The following RETREG1 variants were observed in gnomAD, a reference collection of about 807,000 sequenced individuals.
The protein encoded by RETREG1 is reticulophagy regulator 1, also known as family with sequence similarity 134 member B.
RETREG1 carries 44 observed loss-of-function variants against 54.8 expected under a neutral mutation model. The observed-to-expected ratio is 0.80, with a 90% CI of 0.63 to 1.03. The LOEUF is 1.03. RETREG1 is among the 50% of genes least tolerant of loss of function. The pLI, the probability that RETREG1 is intolerant of heterozygous loss-of-function variation, is 0.00. For missense variants in RETREG1, 554 were observed against 605.1 expected (o/e 0.92, Z 0.89); for synonymous variants, 217 against 238.5 (o/e 0.91, Z 0.83).
At chr5:16,599,028 G>A (rs542453595) in intron 1 of RETREG1, among the ~76,000 whole-genome samples, 5 of 152,212 alleles carry the variant, frequency 3.3e-5, no homozygotes, top group African/African-American at 1.2e-4. Flanking sequence ...ACCCCAGAGT[G>A]CGTCCCCATC....
chr5:16,534,905 T>C lies in RETREG1; in HGVS notation c.458+30858A>G, dbSNP rs949690872. ...TCATTCATTCATCGGGCATTTTTACTGAGCATTTATTAAGTGCCAGGCACA... is the reference window on the plus strand; with the variant it reads ...TCATTCATTCATCGGGCATTTTTACCGAGCATTTATTAAGTGCCAGGCACA... On this transcript the variant is annotated intron_variant, in intron 3 of 8. Coordinates refer to ENST00000306320, the MANE Select transcript of RETREG1 (RefSeq NM_001034850.3). 3.3e-5 allele frequency among the ~76,000 whole-genome samples: 5 copies of C among 152,236 alleles called. No homozygotes were observed. The East Asian group carries it at 7.7e-4, about 23-fold the overall frequency.
At chr5:16,590,604 A>G (rs1033852595) in intron 1 of RETREG1, among the ~76,000 whole-genome samples, 2 of 152,200 alleles carry the variant, frequency 1.3e-5, no homozygotes, top group Admixed American at 1.3e-4. Context: ...CAGAATCCAC[A>G]TGGGCCACGG....
At chr5:16,493,228 G>A (rs1024730108) in intron 3 of RETREG1, among the ~76,000 whole-genome samples, 6 of 152,132 alleles carry the variant, frequency 3.9e-5, no homozygotes, top group African/African-American at 1.4e-4. Flanking sequence ...TAGATCATTT[G>A]GGAGGCTGAC....
At chr5:16,484,798 T>C (rs1738954404) in intron 3 of RETREG1, among the ~76,000 whole-genome samples, 1 of 152,170 alleles carries the variant, frequency 6.6e-6, no homozygotes, top group Non-Finnish European at 1.5e-5. Flanking sequence ...CCTCAACTAA[T>C]GCTCTGGAGA....
At chr5:16,485,326 AG>A (rs1195677078) in intron 3 of RETREG1, among the ~76,000 whole-genome samples, 1 of 152,140 alleles carries the variant, frequency 6.6e-6, no homozygotes, top group Non-Finnish European at 1.5e-5. Context: ...ATCAATGAAA[AG>A]CTATAATGGA....
At chr5:16,578,880 G>A (rs148793417) in intron 1 of RETREG1, among the ~76,000 whole-genome samples, 98 of 152,312 alleles carry the variant, frequency 6.4e-4, no homozygotes, top group African/African-American at 2.3e-3. Context: ...TTTAACCAAA[G>A]TGCTATTCAG....
Position 16,535,075 on chromosome 5 carries a change from A to C in RETREG1, c.458+30688T>G, listed in dbSNP as rs1008833075. The stretch of plus-strand genomic sequence containing the variant: ...GACACATTTTGCTAAGAGCAATGAG[A>C]AGCTGCTATGAGAAGCTGGAATTCT... On this transcript the variant is annotated intron_variant, in intron 3 of 8. Transcript: ENST00000306320. Among the ~76,000 whole-genome samples, 8 of 152,344 alleles carry C rather than the reference A, an allele frequency of 5.3e-5. No homozygotes were observed. The South Asian group carries it at 1.2e-3, about 24-fold the overall frequency.
chr5:16,515,953 T>C (rs1740339792), intron 3 of RETREG1, among the ~76,000 whole-genome samples: 1 of 151,784 alleles, frequency 6.6e-6, no homozygotes, highest in Non-Finnish European at 1.5e-5. Context: ...ATGAAAAACA[T>C]ATATGATGAC....
intron 3 of RETREG1, among the ~76,000 whole-genome samples, chr5:16,540,208 C>A (rs1741200474): frequency 6.6e-6 from 1 of 152,170 alleles, no homozygotes; most frequent in African/African-American, 2.4e-5. Context: ...ATAAAACAGG[C>A]TTTTATACAG....
intron 3 of RETREG1, among the ~76,000 whole-genome samples, chr5:16,528,643 A>C (rs578250568): frequency 6.6e-6 from 1 of 152,368 alleles, no homozygotes; most frequent in East Asian, 1.9e-4. Context: ...GGATATGTGC[A>C]AGAAGGGACA....
Position 16,597,568 on chromosome 5 carries a change from G to A in RETREG1, c.320+19084C>T, listed in dbSNP as rs1042026314. The stretch of plus-strand genomic sequence containing the variant: ...AGGCCCCACACTCAGCCTGAAGTCA[G>A]CCACACCTCCAGAACCCTCCCAGGG... On this transcript the variant is annotated intron_variant, in intron 1 of 8. Coordinates refer to ENST00000306320, the MANE Select transcript of RETREG1 (RefSeq NM_001034850.3). This position sits in a 1 kb window ranked among gnomAD's most constrained non-coding sequence, Gnocchi z 4.3. Among the ~76,000 whole-genome samples, 1 of 152,138 alleles carries A rather than the reference G, an allele frequency of 6.6e-6. No homozygotes were observed. Among genetic ancestry groups the A allele is most frequent in the Non-Finnish European group, 1.5e-5 (1 of 68,028 alleles).
chr5:16,532,970 C>T (rs1740956290), intron 3 of RETREG1, among the ~76,000 whole-genome samples: 1 of 152,186 alleles, frequency 6.6e-6, no homozygotes. Context: ...TAGGTAAATG[C>T]TCTACTTGGG....
chr5:16,558,034 T>C (rs941648517), intron 3 of RETREG1, among the ~76,000 whole-genome samples: 5 of 147,472 alleles, frequency 3.4e-5, no homozygotes, highest in Admixed American at 6.7e-5. Flanking sequence ...AAAAACAAAA[T>C]TTAAAAAAAG....
intron 3 of RETREG1, among the ~76,000 whole-genome samples, chr5:16,563,211 C>G (rs1741910579): frequency 6.6e-6 from 1 of 152,098 alleles, no homozygotes; most frequent in Non-Finnish European, 1.5e-5. Context: ...GGAATCACTC[C>G]TCAGAGCCTA....
At chr5:16,571,545 T>C (rs1742172783) in intron 2 of RETREG1, among the ~76,000 whole-genome samples, 1 of 152,118 alleles carries the variant, frequency 6.6e-6, no homozygotes. Context: ...TTAAACTTAA[T>C]GTTAAAATTT....
At chr5:16,478,713 C>T in intron 6 of RETREG1, 137 bp downstream of exon 6, 1 of 773,570 alleles carries the variant, frequency 1.3e-6, no homozygotes, top group East Asian at 2.6e-5. Context: ...ATATATATAA[C>T]TTTGAGGGAG....
In RETREG1 at chr5:16,478,895, A is replaced by T; in HGVS notation, c.763T>A (p.Phe255Ile). 2 of 1,612,480 alleles carry T rather than the reference A, an allele frequency of 1.2e-6. No individual in the cohort carries two copies. Among genetic ancestry groups the T allele is most frequent in the Non-Finnish European group, 1.7e-6 (2 of 1,178,998 alleles). ...KIKSVLLKLD[F>I]GIGEYINQKK... ...TGATTAATATATTCTCCAATTCCAA[A>T]ATCCAGTTTCAGCAGAACTGACTTA... Residue 255 changes from phenylalanine to isoleucine, a missense_variant, in exon 6 of 9, where the codon TTT becomes ATT. Coordinates refer to ENST00000306320, the MANE Select transcript of RETREG1 (RefSeq NM_001034850.3).
intron 3 of RETREG1, among the ~76,000 whole-genome samples, chr5:16,500,904 G>T (rs983646837): frequency 6.6e-6 from 1 of 151,472 alleles, no homozygotes; most frequent in African/African-American, 2.4e-5. Context: ...CCTGAAAAGG[G>T]GCCCCAGGTA....
At chr5:16,599,605 G>A (rs556575975) in intron 1 of RETREG1, among the ~76,000 whole-genome samples, 1 of 152,246 alleles carries the variant, frequency 6.6e-6, no homozygotes, top group East Asian at 1.9e-4. Flanking sequence ...TTCAATTACT[G>A]AGCACCTACC....
Sources: gnomAD v4.1 joint callset for allele counts (sites outside exome capture counted in the v4.1 genomes callset) on GRCh38, gnomAD v4.1.1 for gene constraint, Gnocchi (gnomAD v3.1) non-coding constraint, MANE v1.5 for transcripts, NCBI Gene and HGNC (gene_info 2026-07-23, HGNC 2026-07-21) for gene names.